Variants in SCUBE1 observed in about 807,000 individuals in gnomAD.
SCUBE1 encodes signal peptide, CUB domain and EGF like domain containing 1.
SCUBE1 carries 59 observed loss-of-function variants against 124.4 expected under a neutral mutation model. The ratio of observed to expected loss-of-function variants is 0.47; its 90% CI spans 0.38 to 0.59. SCUBE1 has a LOEUF of 0.59. Ranked by LOEUF, SCUBE1 falls within the 20% of genes least tolerant of loss-of-function variation. The pLI, the probability that SCUBE1 is intolerant of heterozygous loss-of-function variation, is 0.00. For missense variants in SCUBE1, 1,150 were observed against 1,371.2 expected (o/e 0.84, Z 2.55); for synonymous variants, 545 against 550.9 (o/e 0.99, Z 0.15).
chr22:43,255,667 G>T lies in SCUBE1; in HGVS notation c.727+2552C>A. On this transcript the variant is annotated intron_variant, in intron 6 of 21. Coordinates refer to ENST00000360835, the MANE Select transcript of SCUBE1 (RefSeq NM_173050.5). This position sits in a 1 kb window ranked among gnomAD's most constrained non-coding sequence, Gnocchi z 4.7. ...AAGACAGTCAGCCTCTCGGCGTGGC[G>T]CACGCAAAGCCAACACAACACGCCG... The T allele has an allele frequency of 1.8e-6, 2 of 1,129,318 alleles. No homozygotes were observed. Among genetic ancestry groups the T allele is most frequent in the Non-Finnish European group, 2.6e-6 (2 of 770,800 alleles). The allele number at this position is 1,129,318 out of a possible 1,614,324, so 70.0% of individuals were successfully genotyped here.
intron 1 of SCUBE1, among the ~76,000 whole-genome samples, chr22:43,342,135 C>T (rs987306453): frequency 1.3e-5 from 2 of 152,088 alleles, no homozygotes; most frequent in East Asian, 3.9e-4. Context: ...GTGCAGGACC[C>T]TCCCCCTGCC....
intron 1 of SCUBE1, among the ~76,000 whole-genome samples, chr22:43,339,472 C>A (rs1053681891): frequency 2.6e-5 from 4 of 151,932 alleles, no homozygotes; most frequent in East Asian, 1.9e-4. Context: ...TTTATTGTCG[C>A]AACCATCCCA....
At chr22:43,241,049 G>T (rs536962401) in intron 6 of SCUBE1, among the ~76,000 whole-genome samples, 1 of 152,288 alleles carries the variant, frequency 6.6e-6, no homozygotes, top group South Asian at 2.1e-4. Flanking sequence ...GGCGCTAGGG[G>T]CAGTGACCCT....
chr22:43,235,380 A>G (rs986469900), intron 7 of SCUBE1, among the ~76,000 whole-genome samples: 1 of 151,448 alleles, frequency 6.6e-6, no homozygotes, highest in African/African-American at 2.4e-5. Flanking sequence ...TCTGGGTGGG[A>G]GCAGAGGGAG....
chr22:43,231,920 A>G lies in SCUBE1; in HGVS notation c.845-45T>C, dbSNP rs759188719. 3.1e-6 allele frequency: 5 copies of G among 1,600,088 alleles called. No individual in the cohort carries two copies. The African/African-American group carries it at 5.3e-5, about 17-fold the overall frequency. On this transcript the variant is annotated intron_variant, in intron 7 of 21. Transcript: ENST00000360835. ...TGGAGGAGTGAGAGCCAGGAGAATCAGCTTGTGTGACCAGCGGGGGGACGG... is the reference window on the plus strand; with the variant it reads ...TGGAGGAGTGAGAGCCAGGAGAATCGGCTTGTGTGACCAGCGGGGGGACGG...
At chr22:43,302,048 G>A (rs1362365168) in intron 3 of SCUBE1, among the ~76,000 whole-genome samples, 3 of 152,256 alleles carry the variant, frequency 2.0e-5, no homozygotes, top group South Asian at 4.1e-4. Context: ...CCAGTGGGCC[G>A]TGGGTGTGTG....
intron 3 of SCUBE1, among the ~76,000 whole-genome samples, chr22:43,306,359 C>A (rs1231869307): frequency 6.6e-6 from 1 of 152,124 alleles, no homozygotes; most frequent in East Asian, 1.9e-4. Context: ...GGACTGCAAA[C>A]AGGAACAGAG....
rs548121147 is a variant in SCUBE1, at chr22:43,269,184, G to A, written c.485-6339C>T. 1.8e-4 allele frequency among the ~76,000 whole-genome samples: 27 copies of A among 152,228 alleles called. No individual in the cohort carries two copies. In the East Asian group the frequency reaches 4.3e-3, roughly 24 times the overall value. On this transcript the variant is annotated intron_variant, in intron 4 of 21. Transcript: ENST00000360835. ...GCTGTGTCTTCTTCTCCAAGTGGCC[G>A]GTGCTTCCTCCCGATGGGCCCTCCC...
chr22:43,307,575 G>A (rs567920363), intron 3 of SCUBE1, among the ~76,000 whole-genome samples: 3 of 152,294 alleles, frequency 2.0e-5, no homozygotes, highest in South Asian at 4.1e-4. Flanking sequence ...ATGCTGGAAG[G>A]AGAAGGGCTC....
chr22:43,207,790 C>G (rs538054731), intron 20 of SCUBE1, among the ~76,000 whole-genome samples, 177 bp from the exon 21 acceptor site: 9 of 152,346 alleles, frequency 5.9e-5, no homozygotes, highest in Non-Finnish European at 1.3e-4. Context: ...CTGTATTGTC[C>G]TCCTCGGGGT....
At chr22:43,239,846 G>A (rs1296756065) in intron 6 of SCUBE1, among the ~76,000 whole-genome samples, 1 of 152,160 alleles carries the variant, frequency 6.6e-6, no homozygotes, top group East Asian at 1.9e-4. Flanking sequence ...TTATAACCTG[G>A]ATCCCCCTGC....
In SCUBE1 at chr22:43,211,126, C is replaced by G; in HGVS notation, c.2222-43G>C. The G allele has an allele frequency of 6.4e-7, 1 of 1,569,336 alleles. No homozygotes were observed. The highest frequency in any genetic ancestry group is 1.3e-5 in the African/African-American group (1 of 74,160). ...GCAGTGTGGTGGGTGTGGAGGGGTG[C>G]AGGGAAAGGGCAGCACTGGGGTGCT... On this transcript the variant is annotated intron_variant, in intron 17 of 21. Transcript: ENST00000360835. This position sits in a 1 kb window ranked among gnomAD's most constrained non-coding sequence, Gnocchi z 4.5.
rs1232939999 is a variant in SCUBE1, at chr22:43,339,665, C to CTACTCTCCTCACTCTATCCCCCCACAAG, written c.89-431_89-430insCTTGTGGGGGGATAGAGTGAGGAGAGTA. On this transcript the variant is annotated intron_variant, in intron 1 of 21. Coordinates refer to ENST00000360835, the MANE Select transcript of SCUBE1 (RefSeq NM_173050.5). ...CCACAAGCATCACTCCAGCCCTCCC[C>CTACTCTCCTCACTCTATCCCCCCACAAG]CATTCTCCTCACTCTATCCCCCCAC... Among the ~76,000 whole-genome samples the CTACTCTCCTCACTCTATCCCCCCACAAG allele has an allele frequency of 4.5e-5, 6 of 133,952 alleles. 1 individual carries two copies. Among genetic ancestry groups the CTACTCTCCTCACTCTATCCCCCCACAAG allele is most frequent in the African/African-American group, 1.5e-4 (5 of 32,792 alleles). 87.9% of individuals were successfully genotyped at this position (133,952 alleles called of 152,430 possible).
Position 43,255,710 on chromosome 22 carries a change from G to A in SCUBE1, c.727+2509C>T, listed in dbSNP as rs1923634525. The stretch of plus-strand genomic sequence containing the variant: ...ACACGCCGGCCAGCTCGGCATCCTC[G>A]CCAAGGGGCTAATCCCAGGAACCTC... On this transcript the variant is annotated intron_variant, in intron 6 of 21. Transcript: ENST00000360835. This position sits in a 1 kb window ranked among gnomAD's most constrained non-coding sequence, Gnocchi z 4.7. 5 of 747,848 alleles carry A rather than the reference G, an allele frequency of 6.7e-6. No individual in the cohort carries two copies. The highest frequency in any genetic ancestry group is 1.1e-5 in the Non-Finnish European group (5 of 442,736). 46.3% of individuals were successfully genotyped at this position (747,848 alleles called of 1,614,324 possible).
At position 43,281,584 on chromosome 22, in the gene SCUBE1, CCTT is replaced by C. The variant is rs1477438921; in HGVS notation, c.484+9459_484+9461del. On this transcript the variant is annotated intron_variant, in intron 4 of 21. Coordinates refer to ENST00000360835, the MANE Select transcript of SCUBE1 (RefSeq NM_173050.5). Reference sequence around the variant, plus strand: ...CCCTCAGCCACCCTCCTGTCACCTCCCTTCTCAGCCACCCTCCTGTCACCTCCT... The same window carrying C: ...CCCTCAGCCACCCTCCTGTCACCTCCCTCAGCCACCCTCCTGTCACCTCCT... 4.2e-5 allele frequency among the ~76,000 whole-genome samples: 6 copies of C among 144,566 alleles called. 1 individual carries two copies. Among genetic ancestry groups the C allele is most frequent in the Middle Eastern group, 3.6e-3 (1 of 276 alleles). The allele number at this position is 144,566 out of a possible 152,430, so 94.8% of individuals were successfully genotyped here.
chr22:43,271,679 C>T (rs1924297269), intron 4 of SCUBE1, among the ~76,000 whole-genome samples: 1 of 152,126 alleles, frequency 6.6e-6, no homozygotes, highest in African/African-American at 2.4e-5. Context: ...AAATCTAGGC[C>T]TGCCGGGAAC....
At position 43,212,483 on chromosome 22, in the gene SCUBE1, T is replaced by C. The variant is rs1280950585; in HGVS notation, c.2163A>G (p.Gly721=). 3.2e-6 allele frequency: 5 copies of C among 1,554,412 alleles called. No homozygotes were observed. The South Asian group carries it at 5.9e-5, about 18-fold the overall frequency. Residue 721 remains glycine, a synonymous_variant, in exon 17 of 22, where the codon GGA becomes GGG. Coordinates refer to ENST00000360835, the MANE Select transcript of SCUBE1 (RefSeq NM_173050.5). ...EPGRTGCFPC[G]GGLLTKHEGT... The stretch of plus-strand genomic sequence containing the variant: ...CTTCGTGTTTGGTGAGCAAACCCCC[T>C]CCACAGGGGAAGCAGCCGGTGCGCC...
At chr22:43,247,023 C>T (rs866063480) in intron 6 of SCUBE1, among the ~76,000 whole-genome samples, 18 of 152,224 alleles carry the variant, frequency 1.2e-4, no homozygotes, top group Admixed American at 5.9e-4. Context: ...GCTGGGTCTC[C>T]AGGGCTCCCG....
At chr22:43,228,862 C>T (rs1057490405) in intron 9 of SCUBE1, among the ~76,000 whole-genome samples, 1 of 152,268 alleles carries the variant, frequency 6.6e-6, no homozygotes, top group Non-Finnish European at 1.5e-5. Flanking sequence ...CTGCTACCCA[C>T]CTCTAACCGT....
Sources: allele counts gnomAD v4.1 joint callset (sites outside exome capture counted in the v4.1 genomes callset), GRCh38; gene constraint gnomAD v4.1.1; non-coding constraint Gnocchi (gnomAD v3.1); transcripts MANE v1.5; gene names NCBI Gene and HGNC (gene_info 2026-07-23, HGNC 2026-07-21).